CSRNP3: variants seen among roughly 807,000 people sequenced by gnomAD.
CSRNP3 encodes the protein cysteine and serine rich nuclear protein 3.
A neutral mutation model predicts 48.0 loss-of-function variants in CSRNP3; 12 were observed. The ratio of observed to expected loss-of-function variants is 0.25; its 90% confidence interval spans 0.16 to 0.41. The LOEUF is 0.41. Among genes scored for constraint, CSRNP3 ranks in the 10% least tolerant of loss-of-function variants. CSRNP3 has a pLI of 1.00. For synonymous variants in CSRNP3, 263 were observed against 269.7 expected, an observed-to-expected ratio of 0.98 and a Z score of 0.24; for missense variants, 580 against 724.4, an observed-to-expected ratio of 0.80 and a Z score of 2.29.
intron 6 of CSRNP3, among the ~76,000 whole-genome samples, chr2:165,677,291 C>T (rs539161636): frequency 2.0e-5 from 3 of 152,278 alleles, no homozygotes; most frequent in African/African-American, 7.2e-5. Flanking sequence ...GCTCCTACAG[C>T]AGAATTGAGT....
intron 1 of CSRNP3, among the ~76,000 whole-genome samples, chr2:165,475,191 A>T (rs1011891775): frequency 1.0e-4 from 15 of 143,680 alleles, no homozygotes; most frequent in South Asian, 2.2e-4. Context: ...AAAGTGATTT[A>T]AAAAAAAAAG....
chr2:165,653,030 G>A (rs1040377090), intron 4 of CSRNP3, among the ~76,000 whole-genome samples: 19 of 152,130 alleles, frequency 1.2e-4, no homozygotes, highest in Admixed American at 3.3e-4. Flanking sequence ...GATTCCCTAC[G>A]GCAGATGTGC....
At chr2:165,647,053 G>C (rs1686823344) in intron 4 of CSRNP3, among the ~76,000 whole-genome samples, 1 of 151,966 alleles carries the variant, frequency 6.6e-6, no homozygotes, top group African/African-American at 2.4e-5. Flanking sequence ...TGATAATAAA[G>C]GAACACACTT....
At chr2:165,621,124 A>G (rs188569140) in intron 4 of CSRNP3, among the ~76,000 whole-genome samples, 17 of 152,202 alleles carry the variant, frequency 1.1e-4, no homozygotes, top group Admixed American at 6.5e-4. Context: ...CTTAAGCTCA[A>G]AGTCAGAATC....
intron 3 of CSRNP3, among the ~76,000 whole-genome samples, chr2:165,591,606 G>T (rs1685718842): frequency 6.6e-6 from 1 of 152,142 alleles, no homozygotes; most frequent in South Asian, 2.1e-4. Context: ...TGGGAACATG[G>T]TCCCCTGTGT....
intron 3 of CSRNP3, chr2:165,567,113 C>T (rs1685307179): frequency 6.6e-6 from 1 of 151,974 alleles, no homozygotes; most frequent in Non-Finnish European, 1.5e-5. Flanking sequence ...ATGGAAAAAC[C>T]ATCAGTCCTG....
intron 2 of CSRNP3, among the ~76,000 whole-genome samples, chr2:165,507,408 T>A (rs1194026801): frequency 6.6e-6 from 1 of 152,132 alleles, no homozygotes; most frequent in Admixed American, 6.6e-5. Flanking sequence ...CCACTAATAT[T>A]TCTCTCTTGA....
chr2:165,531,179 T>G (rs1684807224), intron 3 of CSRNP3, among the ~76,000 whole-genome samples: 1 of 152,166 alleles, frequency 6.6e-6, no homozygotes, highest in African/African-American at 2.4e-5. Flanking sequence ...AGGATACCAA[T>G]AAATATTTAT....
At chr2:165,515,334 A>AAAACATAT (rs1328902699) in intron 2 of CSRNP3, among the ~76,000 whole-genome samples, 2 of 118,978 alleles carry the variant, frequency 1.7e-5, no homozygotes, top group African/African-American at 3.0e-5. Flanking sequence ...AAAAAAAAAA[A>AAAACATAT]ATACATATAT....
intron 3 of CSRNP3, among the ~76,000 whole-genome samples, chr2:165,579,241 T>C (rs190170951): frequency 6.6e-6 from 1 of 152,140 alleles, no homozygotes; most frequent in East Asian, 1.9e-4. Flanking sequence ...TACTGAGCAG[T>C]TAATGGTTAG....
rs942942693 is a variant in CSRNP3 at position 165,687,826 on chromosome 2, C to CT, written c.*8079dup. The CT allele has an allele frequency of 4.6e-5, 7 of 152,024 alleles. No individual in the cohort carries two copies. The highest frequency in any genetic ancestry group is 1.4e-4 in the African/African-American group (6 of 41,488). 9.4% of individuals were successfully genotyped at this position (152,024 alleles called of 1,614,324 possible). A position where few individuals can be genotyped will look rare whatever the true frequency, so the allele number is the denominator to read the frequency against. On this transcript the variant is annotated 3_prime_UTR_variant, in exon 7 of 7. Coordinates refer to ENST00000651982, the MANE Select transcript of CSRNP3 (RefSeq NM_001172173.2). ...AAGCACTCCCTGGAGCTTTCAAAGC[C>CT]TTTTTTATCTGCTCAGAGTTGACAC...
rs1687569085 is a variant in CSRNP3, at chr2:165,682,796, T to G, written c.*3043T>G. ...TACAGTCCTTCTAAGCTTTTAAAAA[T>G]GGGGATCAAGCTACATGCAGCCAGT... On this transcript the variant is annotated 3_prime_UTR_variant, in exon 7 of 7. Transcript: ENST00000651982. 1 of 152,080 alleles carries G rather than the reference T, an allele frequency of 6.6e-6. No homozygotes were observed. Among genetic ancestry groups the G allele is most frequent in the Non-Finnish European group, 1.5e-5 (1 of 67,988 alleles). The allele number at this position is 152,080 out of a possible 1,614,324, so 9.4% of individuals were successfully genotyped here.
intron 5 of CSRNP3, among the ~76,000 whole-genome samples, chr2:165,669,768 G>A (rs2105357915): frequency 6.6e-6 from 1 of 152,216 alleles, no homozygotes; most frequent in South Asian, 2.1e-4. Flanking sequence ...TCCATCTTAA[G>A]TGTCATCATT....
intron 3 of CSRNP3, among the ~76,000 whole-genome samples, chr2:165,556,065 C>T (rs367920644): frequency 4.1e-4 from 63 of 152,182 alleles, no homozygotes; most frequent in East Asian, 3.9e-3. Flanking sequence ...ATGACTAGAC[C>T]GGTGCCATGG....
rs556844416 is a variant in CSRNP3 at position 165,656,013 on chromosome 2, C to A, written c.149-1748C>A. Among the ~76,000 whole-genome samples the A allele has an allele frequency of 2.6e-5, 4 of 151,292 alleles. No individual in the cohort carries two copies. In the East Asian group the frequency reaches 7.7e-4, roughly 29 times the overall value. On this transcript the variant is annotated intron_variant, in intron 4 of 6. Transcript: ENST00000651982. ...ATATTTGGTGGAGAGGGACAAAATT[C>A]AACCCCTAATAGAAAAGCAGATAGG... is the stretch of plus-strand genomic sequence containing the variant.
At chr2:165,611,082 A>T (rs1437511036) in intron 4 of CSRNP3, among the ~76,000 whole-genome samples, 4 of 152,176 alleles carry the variant, frequency 2.6e-5, no homozygotes. Context: ...GAAGAAATGG[A>T]TAGTAACCTG....
chr2:165,571,332 T>G (rs998433684), intron 3 of CSRNP3, among the ~76,000 whole-genome samples: 19 of 152,004 alleles, frequency 1.2e-4, no homozygotes, highest in African/African-American at 4.6e-4. Flanking sequence ...CATTTTAATT[T>G]AGACAGTCAT....
Position 165,631,720 on chromosome 2 carries a change from C to T in CSRNP3, c.149-26041C>T, listed in dbSNP as rs1232496700. 2.8e-4 allele frequency among the ~76,000 whole-genome samples: 42 copies of T among 152,160 alleles called. 1 individual carries two copies. The highest frequency in any genetic ancestry group is 5.9e-5 in the Non-Finnish European group (4 of 68,024). On this transcript the variant is annotated intron_variant, in intron 4 of 6. Coordinates refer to ENST00000651982, the MANE Select transcript of CSRNP3 (RefSeq NM_001172173.2). The stretch of plus-strand genomic sequence containing the variant: ...TTATAGCCATACCTGTTCTATAAAT[C>T]AGAAGTTAGCAAACTACAGCCTTGC...
chr2:165,622,650 C>A (rs573611444), intron 4 of CSRNP3, among the ~76,000 whole-genome samples: 1 of 152,168 alleles, frequency 6.6e-6, no homozygotes, highest in South Asian at 2.1e-4. Context: ...GATCCTGACA[C>A]CATGTTCCCA....
Sources: allele counts gnomAD v4.1 joint callset (sites outside exome capture counted in the v4.1 genomes callset), GRCh38; gene constraint gnomAD v4.1.1; transcripts MANE v1.5; gene names NCBI Gene and HGNC (gene_info 2026-07-23, HGNC 2026-07-21).